CHST11: variants seen among roughly 807,000 people sequenced by gnomAD.
CHST11 encodes carbohydrate sulfotransferase 11, also known as C4S-1.
Under a neutral mutation model 30.4 loss-of-function variants are expected in CHST11, and 9 were observed. The observed-to-expected ratio is 0.30, with a 90% CI of 0.18 to 0.52. CHST11 has a LOEUF of 0.52. Ranked by LOEUF, CHST11 falls within the 20% of genes least tolerant of loss-of-function variation. CHST11 has a pLI of 0.97. For missense variants in CHST11, 348 were observed against 460.6 expected, an observed-to-expected ratio of 0.76 and a Z score of 2.24; for synonymous variants, 152 against 187.8, an observed-to-expected ratio of 0.81 and a Z score of 1.56.
At chr12:104,589,299 G>A (rs904750242) in intron 1 of CHST11, among the ~76,000 whole-genome samples, 2 of 151,818 alleles carry the variant, frequency 1.3e-5, no homozygotes, top group Non-Finnish European at 1.5e-5. Flanking sequence ...TACTCTGAAG[G>A]TTGAGGTGGG....
chr12:104,619,282 A>G (rs17814514), intron 2 of CHST11, among the ~76,000 whole-genome samples: 28,250 of 152,220 alleles, frequency 0.19, 2,970 homozygotes, highest in Admixed American at 0.25. Context: ...AGCATCCCTG[A>G]ACCAGGACTG....
intron 1 of CHST11, among the ~76,000 whole-genome samples, chr12:104,528,007 G>A (rs549945468): frequency 1.3e-5 from 2 of 152,136 alleles, no homozygotes; most frequent in Non-Finnish European, 1.5e-5. Context: ...CTCCCACCAG[G>A]TTCCTCCCTT....
chr12:104,743,594 A>T (rs1484876108), intron 2 of CHST11, among the ~76,000 whole-genome samples: 1 of 152,172 alleles, frequency 6.6e-6, no homozygotes, highest in Non-Finnish European at 1.5e-5. Context: ...TAATATTCTG[A>T]CTTCTCTTTT....
At chr12:104,747,735 C>T (rs17036309) in intron 2 of CHST11, among the ~76,000 whole-genome samples, 1,535 of 152,064 alleles carry the variant, frequency 0.01, 32 homozygotes, top group African/African-American at 0.035. Flanking sequence ...TTCAGAAAAC[C>T]CTCAGTCACT....
intron 2 of CHST11, among the ~76,000 whole-genome samples, chr12:104,700,234 G>T (rs1321743251): frequency 6.6e-6 from 1 of 151,972 alleles, no homozygotes; most frequent in African/African-American, 2.4e-5. Context: ...TAATACACTG[G>T]GGGTGTCGGG....
intron 2 of CHST11, among the ~76,000 whole-genome samples, chr12:104,670,419 C>T (rs1267439236): frequency 3.9e-5 from 6 of 152,034 alleles, no homozygotes; most frequent in Non-Finnish European, 8.8e-5. Context: ...CCACCCCCAA[C>T]ATAGCCTCCT....
intron 2 of CHST11, among the ~76,000 whole-genome samples, chr12:104,741,893 G>T (rs1276027160): frequency 6.6e-6 from 1 of 152,198 alleles, no homozygotes; most frequent in Admixed American, 6.5e-5. Flanking sequence ...ATTACTCAGG[G>T]TGGTGTCTGG....
intron 2 of CHST11, among the ~76,000 whole-genome samples, chr12:104,706,680 C>A (rs904534332): frequency 3.3e-5 from 5 of 152,158 alleles, no homozygotes; most frequent in African/African-American, 1.2e-4. Context: ...AGTGGGCTTT[C>A]TGACACGAGG....
At chr12:104,631,104 G>A (rs755135404) in intron 2 of CHST11, among the ~76,000 whole-genome samples, 1 of 152,146 alleles carries the variant, frequency 6.6e-6, no homozygotes, top group African/African-American at 2.4e-5. Context: ...TTGTTGCTCC[G>A]TCTGGGATGC....
At chr12:104,557,065 A>G (rs1053446916) in intron 1 of CHST11, among the ~76,000 whole-genome samples, 1 of 152,114 alleles carries the variant, frequency 6.6e-6, no homozygotes, top group Non-Finnish European at 1.5e-5. Context: ...CTACTCCAGT[A>G]TGACCTTATC....
intron 2 of CHST11, among the ~76,000 whole-genome samples, chr12:104,652,891 G>GCTCCCTACACA (rs1566023861): frequency 1.3e-5 from 2 of 152,120 alleles, no homozygotes; most frequent in East Asian, 1.9e-4. Context: ...CTCCCTACAC[G>GCTCCCTACACA]CTCCCTACAC....
intron 2 of CHST11, among the ~76,000 whole-genome samples, chr12:104,752,781 T>A (rs1168506745): frequency 1.3e-5 from 2 of 152,130 alleles, no homozygotes; most frequent in African/African-American, 4.8e-5. Context: ...AGCCCGCTGC[T>A]GCCTCCCAAA....
At chr12:104,542,384 C>T (rs1181868409) in intron 1 of CHST11, among the ~76,000 whole-genome samples, 4 of 152,152 alleles carry the variant, frequency 2.6e-5, no homozygotes, top group Non-Finnish European at 5.9e-5. Context: ...ATGGATAAAC[C>T]AAATGTAATA....
chr12:104,550,815 C>T lies in CHST11; in HGVS notation c.119-51091C>T, dbSNP rs540378196. Among the ~76,000 whole-genome samples the T allele has an allele frequency of 5.1e-4, 77 of 152,258 alleles. 1 individual carries two copies. Among genetic ancestry groups the T allele is most frequent in the African/African-American group, 1.7e-3 (71 of 41,522 alleles). On this transcript the variant is annotated intron_variant, in intron 1 of 2. Transcript: ENST00000303694. ...AAGGGGTAAAAGAGGAAGAAGATGT[C>T]GTTGGGCCACTTTATGTAAGTATAT...
intron 1 of CHST11, among the ~76,000 whole-genome samples, chr12:104,505,044 C>A (rs1342992759): frequency 6.6e-6 from 1 of 152,160 alleles, no homozygotes; most frequent in Admixed American, 6.5e-5. Context: ...TAGCCAAACC[C>A]AGACCTTGGA....
chr12:104,710,566 C>G (rs1404325657), intron 2 of CHST11, among the ~76,000 whole-genome samples: 1 of 152,160 alleles, frequency 6.6e-6, no homozygotes, highest in South Asian at 2.1e-4. Context: ...GCAAGGCCCC[C>G]TCTGGTCCAC....
chr12:104,715,539 A>G (rs1308165515), intron 2 of CHST11, among the ~76,000 whole-genome samples: 1 of 152,214 alleles, frequency 6.6e-6, no homozygotes, highest in Non-Finnish European at 1.5e-5. Context: ...ATACGGAGGT[A>G]CTATTATAAG....
At chr12:104,515,622 C>T (rs1389570568) in intron 1 of CHST11, among the ~76,000 whole-genome samples, 2 of 152,164 alleles carry the variant, frequency 1.3e-5, no homozygotes, top group Non-Finnish European at 2.9e-5. Flanking sequence ...AAAATGCCTG[C>T]CCTCCTGGAG....
intron 2 of CHST11, among the ~76,000 whole-genome samples, chr12:104,743,013 C>T (rs1296829503): frequency 4.6e-5 from 7 of 152,208 alleles, no homozygotes; most frequent in Admixed American, 4.6e-4. Flanking sequence ...CGGGTTTAGG[C>T]ACAGGAAGCC....
Sources: allele counts gnomAD v4.1 joint callset (sites outside exome capture counted in the v4.1 genomes callset), GRCh38; gene constraint gnomAD v4.1.1; transcripts MANE v1.5; gene names NCBI Gene and HGNC (gene_info 2026-07-23, HGNC 2026-07-21).